Variants in AADACL4 observed in about 807,000 individuals in gnomAD.
The protein encoded by AADACL4 is arylacetamide deacetylase-like 4.
In AADACL4, 9 loss-of-function variants were observed where a neutral mutation model predicts 14.1. That is an observed-to-expected ratio of 0.64 (90% CI 0.39 to 1.12). The LOEUF (loss-of-function observed/expected upper bound fraction) is 1.12, where lower values mean the gene tolerates loss of function less well. Among genes scored for constraint, AADACL4 ranks in the 50% most tolerant of loss-of-function variants. The probability of loss-of-function intolerance (pLI) is 0.01; values close to 1 mark genes in which losing one functional copy is unlikely to be tolerated. For missense variants in AADACL4, 531 were observed against 516.1 expected, an observed-to-expected ratio of 1.03 and a Z score of -0.28; for synonymous variants, 188 against 201.6, an observed-to-expected ratio of 0.93 and a Z score of 0.57.
At chr1:12,662,552 A>T (rs1383081679) in intron 3 of AADACL4, among the ~76,000 whole-genome samples, 1 of 152,204 alleles carries the variant, frequency 6.6e-6, no homozygotes, top group East Asian at 1.9e-4. Flanking sequence ...AGATGGAGGC[A>T]TCTTTAGAGT....
At chr1:12,655,537 A>T (rs907535022) in intron 2 of AADACL4, among the ~76,000 whole-genome samples, 7 of 151,538 alleles carry the variant, frequency 4.6e-5, no homozygotes, top group African/African-American at 1.5e-4. Context: ...CTGGGACATC[A>T]TTGCTCCAGT....
rs1239122311 is a variant in AADACL4, at chr1:12,666,743, C to T, written c.*8C>T. The T allele has an allele frequency of 6.3e-7, 1 of 1,584,810 alleles. No individual in the cohort carries two copies. Among genetic ancestry groups the T allele is most frequent in the Non-Finnish European group, 8.6e-7 (1 of 1,169,570 alleles). On this transcript the variant is annotated 3_prime_UTR_variant, in exon 4 of 4. Transcript: ENST00000376221. Reference sequence around the variant, plus strand: ...TATATAAAGGGCATATGATAGTAACCCTGGGGCCCCGAGGAGGAAGGGGCA... The same window carrying T: ...TATATAAAGGGCATATGATAGTAACTCTGGGGCCCCGAGGAGGAAGGGGCA...
chr1:12,661,950 A>G (rs1647235480), intron 3 of AADACL4, 96 bp downstream of exon 3: 2 of 1,356,670 alleles, frequency 1.5e-6, no homozygotes, highest in Non-Finnish European at 2.1e-6. Flanking sequence ...CCTAACTCCC[A>G]AGAGGCAACT....
intron 2 of AADACL4, among the ~76,000 whole-genome samples, chr1:12,655,089 CAACA>C (rs780863596): frequency 2.6e-5 from 4 of 152,042 alleles, no homozygotes; most frequent in East Asian, 3.9e-4. Context: ...TCGCACATCC[CAACA>C]AACAAATGGG....
In AADACL4 at chr1:12,666,610, G is replaced by A. The variant is rs374658772; in HGVS notation, c.1099G>A (p.Val367Met). 2.2e-5 allele frequency: 36 copies of A among 1,614,220 alleles called. No individual in the cohort carries two copies. Among genetic ancestry groups the A allele is most frequent in the Admixed American group, 1.2e-4 (7 of 60,028 alleles). The stretch of plus-strand genomic sequence containing the variant: ...GCGCTTGGAGGACCAGGGGGTCCGC[G>A]TGACATGGTACCACCTGTATGATGG... ...KKRLEDQGVRVTWYHLYDGFH... is the reference protein window; with the variant it reads ...KKRLEDQGVRMTWYHLYDGFH... The change falls in exon 4 of 4, where the codon GTG becomes ATG. Residue 367 changes from valine to methionine, a missense_variant. Coordinates refer to ENST00000376221, the MANE Select transcript of AADACL4 (RefSeq NM_001013630.2).
chr1:12,664,995 T>C (rs1446344353), intron 3 of AADACL4, among the ~76,000 whole-genome samples: 2 of 152,160 alleles, frequency 1.3e-5, no homozygotes, highest in African/African-American at 4.8e-5. Context: ...TTCTGCAGCT[T>C]GAGCTGTGGG....
At chr1:12,651,860 G>A (rs1191843078) in intron 2 of AADACL4, among the ~76,000 whole-genome samples, 8 of 140,950 alleles carry the variant, frequency 5.7e-5, no homozygotes, top group African/African-American at 1.1e-4. Flanking sequence ...ATGGAGTCTC[G>A]CTCTGTCGCT....
intron 3 of AADACL4, among the ~76,000 whole-genome samples, chr1:12,662,625 A>G (rs1191421446): frequency 1.3e-5 from 2 of 152,208 alleles, no homozygotes; most frequent in Non-Finnish European, 2.9e-5. Flanking sequence ...GAGATCTCAC[A>G]TCACTGGGAA....
chr1:12,661,676 C>G (rs923886396), intron 2 of AADACL4, 115 bp from the exon 3 acceptor site: 12 of 1,076,414 alleles, frequency 1.1e-5, no homozygotes, highest in Non-Finnish European at 1.7e-5. Context: ...AGGATAGAAA[C>G]AGAGAGGATG....
At position 12,653,548 on chromosome 1, in the gene AADACL4, G is replaced by T. The variant is rs547448599; in HGVS notation, c.385+2209G>T. ...TGAATTGTTGATATAAGAACAACAG[G>T]TATGGTTTATTACCGCACAAACCCT... is the stretch of plus-strand genomic sequence containing the variant. On this transcript the variant is annotated intron_variant, in intron 2 of 3. Coordinates refer to ENST00000376221, the MANE Select transcript of AADACL4 (RefSeq NM_001013630.2). Among the ~76,000 whole-genome samples, 3 of 152,312 alleles carry T rather than the reference G, an allele frequency of 2.0e-5. No individual in the cohort carries two copies. The East Asian group carries it at 5.8e-4, about 29-fold the overall frequency.
intron 2 of AADACL4, among the ~76,000 whole-genome samples, chr1:12,652,644 A>G (rs779417132): frequency 8.5e-5 from 13 of 152,236 alleles, no homozygotes; most frequent in Non-Finnish European, 1.8e-4. Flanking sequence ...TGCTACCTTT[A>G]TGCATTTCTT....
intron 3 of AADACL4, among the ~76,000 whole-genome samples, chr1:12,663,668 A>G (rs1249067591): frequency 6.6e-6 from 1 of 152,198 alleles, no homozygotes; most frequent in African/African-American, 2.4e-5. Context: ...GATTTTGCCA[A>G]TAGAAAGTAC....
At chr1:12,659,914 G>T (rs1396374607) in intron 2 of AADACL4, among the ~76,000 whole-genome samples, 1 of 152,222 alleles carries the variant, frequency 6.6e-6, no homozygotes, top group Non-Finnish European at 1.5e-5. Flanking sequence ...AACCTCCTGG[G>T]CTCAGGTGAT....
chr1:12,645,494 C>T (rs536000950), intron 1 of AADACL4, among the ~76,000 whole-genome samples: 76 of 152,234 alleles, frequency 5.0e-4, no homozygotes, highest in African/African-American at 1.8e-3. Context: ...CTCCTTCAGC[C>T]GCGCACACTT....
In AADACL4 at chr1:12,666,183, T is replaced by C; in HGVS notation, c.672T>C (p.Val224=). ...RIRAQVLIYP[V]VQAFCLQLPS... ...GGGCTCAGGTTCTGATTTATCCAGT[T>C]GTCCAGGCATTCTGTTTGCAGTTGC... Residue 224 remains valine (V), a synonymous_variant, in exon 4 of 4, where the codon GTT becomes GTC. Coordinates refer to ENST00000376221, the MANE Select transcript of AADACL4 (RefSeq NM_001013630.2). 2.5e-6 allele frequency: 4 copies of C among 1,614,262 alleles called. No homozygotes were observed. The highest frequency in any genetic ancestry group is 3.4e-6 in the Non-Finnish European group (4 of 1,180,048).
rs1213014388 is a variant in AADACL4, at chr1:12,644,416, T to TGTGTCAG, written c.-122_-116dup. ...ACCCTGAGAAGCTGTGTCAGGCCAC[T>TGTGTCAG]GTGTCAGGTGTCAGGCTTAGCCCAG... On this transcript the variant is annotated 5_prime_UTR_variant, in exon 1 of 4. Coordinates refer to ENST00000376221, the MANE Select transcript of AADACL4 (RefSeq NM_001013630.2). 4.9e-6 allele frequency: 5 copies of TGTGTCAG among 1,023,638 alleles called. No homozygotes were observed. The African/African-American group carries it at 6.4e-5, about 13-fold the overall frequency. 63.4% of individuals were successfully genotyped at this position (1,023,638 alleles called of 1,614,324 possible).
chr1:12,655,003 G>A (rs1647172480), intron 2 of AADACL4, among the ~76,000 whole-genome samples: 1 of 152,158 alleles, frequency 6.6e-6, no homozygotes, highest in African/African-American at 2.4e-5. Context: ...TCTGTAAACG[G>A]CTCGGACACT....
chr1:12,666,566 A>T lies in AADACL4; in HGVS notation c.1055A>T (p.Asp352Val). The T allele has an allele frequency of 6.2e-7, 1 of 1,614,232 alleles. No homozygotes were observed. Among genetic ancestry groups the T allele is most frequent in the Non-Finnish European group, 8.5e-7 (1 of 1,180,046 alleles). ...TGTGAGAATGACATACTCCGTGATG[A>T]CAGCTTGCTCTATAAGAAGCGCTTG... ...VSCENDILRD[D>V]SLLYKKRLED... The change falls in exon 4 of 4, where the codon GAC (aspartate) becomes GTC (valine). Residue 352 changes from aspartate (D) to valine (V), a missense_variant. Physicochemically the swap from Asp to Val is radical, Grantham distance 152 (BLOSUM62 -3). Coordinates refer to ENST00000376221, the MANE Select transcript of AADACL4 (RefSeq NM_001013630.2).
At chr1:12,645,062 C>T (rs1249365582) in intron 1 of AADACL4, among the ~76,000 whole-genome samples, 1 of 147,892 alleles carries the variant, frequency 6.8e-6, no homozygotes, top group Admixed American at 6.8e-5. Context: ...CCCTCCCTCC[C>T]TTCCTTCCTT....
Sources: allele counts gnomAD v4.1 joint callset (sites outside exome capture counted in the v4.1 genomes callset), GRCh38; gene constraint gnomAD v4.1.1; transcripts MANE v1.5; gene names NCBI Gene and HGNC (gene_info 2026-07-23, HGNC 2026-07-21).